The following KIAA1549L variants were observed in gnomAD, a reference collection of about 807,000 sequenced individuals.
KIAA1549L encodes the protein KIAA1549 like.
In KIAA1549L, 88 loss-of-function variants were observed where a neutral mutation model predicts 160.7. The observed-to-expected ratio is 0.55, with a 90% CI of 0.46 to 0.65. The LOEUF is 0.65. Among genes scored for constraint, KIAA1549L ranks in the 30% least tolerant of loss-of-function variants. KIAA1549L has a pLI of 0.00. For missense variants in KIAA1549L, 2,258 were observed against 2,437.5 expected, an observed-to-expected ratio of 0.93 and a Z score of 1.55; for synonymous variants, 950 against 976.7, an observed-to-expected ratio of 0.97 and a Z score of 0.51.
intron 20 of KIAA1549L, among the ~76,000 whole-genome samples, chr11:33,661,443 A>AG (rs1852257037): frequency 6.6e-6 from 1 of 152,242 alleles, no homozygotes; most frequent in Non-Finnish European, 1.5e-5. Flanking sequence ...CACTTATCTA[A>AG]GGCCACACAG....
intron 1 of KIAA1549L, among the ~76,000 whole-genome samples, chr11:33,387,722 G>A (rs1173651453): frequency 6.6e-6 from 1 of 152,146 alleles, no homozygotes; most frequent in Non-Finnish European, 1.5e-5. Flanking sequence ...GTCACCCCTG[G>A]CTGTTACCAA....
chr11:33,478,432 G>C (rs888999675), intron 1 of KIAA1549L, among the ~76,000 whole-genome samples: 1 of 152,236 alleles, frequency 6.6e-6, no homozygotes, highest in Non-Finnish European at 1.5e-5. Flanking sequence ...GAGCGAAAGA[G>C]GTTTTTTCAA....
rs778701044 is a variant in KIAA1549L at position 33,544,757 on chromosome 11, C to T, written c.2774-10C>T. The T allele has an allele frequency of 4.9e-5, 77 of 1,563,956 alleles. No individual in the cohort carries two copies. The highest frequency in any genetic ancestry group is 6.5e-5 in the Non-Finnish European group (75 of 1,154,680). Reference sequence around the variant, plus strand: ...GCCAATGACAAACTTTGTTTTTTCTCTCTTTACAGCGGACACAGTATCATC... The same window carrying T: ...GCCAATGACAAACTTTGTTTTTTCTTTCTTTACAGCGGACACAGTATCATC... On this transcript the variant is annotated splice_polypyrimidine_tract_variant and intron_variant, in intron 2 of 20. Coordinates refer to ENST00000658780, the MANE Select transcript of KIAA1549L (RefSeq NM_012194.3).
chr11:33,554,477 T>C (rs1346356376), intron 6 of KIAA1549L, among the ~76,000 whole-genome samples: 3 of 152,170 alleles, frequency 2.0e-5, no homozygotes, highest in South Asian at 2.1e-4. Flanking sequence ...ATCCAGGTGA[T>C]TATTTGATTT....
At chr11:33,397,506 C>T (rs926219495) in intron 1 of KIAA1549L, among the ~76,000 whole-genome samples, 2 of 150,522 alleles carry the variant, frequency 1.3e-5, no homozygotes, top group African/African-American at 4.9e-5. Context: ...GTCAGGAGTT[C>T]GACACCAGCC....
chr11:33,389,607 A>C (rs1321722203), intron 1 of KIAA1549L, among the ~76,000 whole-genome samples: 2 of 152,218 alleles, frequency 1.3e-5, no homozygotes, highest in Non-Finnish European at 2.9e-5. Context: ...ACCCTACGGA[A>C]ACTGAACCTT....
chr11:33,487,771 A>G (rs1315902375), intron 1 of KIAA1549L, among the ~76,000 whole-genome samples: 1 of 152,164 alleles, frequency 6.6e-6, no homozygotes, highest in African/African-American at 2.4e-5. Context: ...GAGACCCCCT[A>G]TAAATGGGTA....
At chr11:33,555,842 A>C (rs1854628621) in intron 6 of KIAA1549L, among the ~76,000 whole-genome samples, 1 of 152,246 alleles carries the variant, frequency 6.6e-6, no homozygotes, top group African/African-American at 2.4e-5. Context: ...TGTGCATCAA[A>C]AAACACTACC....
intron 4 of KIAA1549L, among the ~76,000 whole-genome samples, chr11:33,549,520 T>TCCA (rs1854383134): frequency 6.6e-6 from 1 of 152,230 alleles, no homozygotes; most frequent in South Asian, 2.1e-4. Context: ...TTGTGCTGTG[T>TCCA]CCACGTTCCA....
At chr11:33,529,202 G>T in intron 1 of KIAA1549L, among the ~76,000 whole-genome samples, 1 of 152,004 alleles carries the variant, frequency 6.6e-6, no homozygotes, top group East Asian at 1.9e-4. Context: ...CGAGTGTGGC[G>T]GTATGTCCCT....
At chr11:33,440,803 T>C (rs908785512) in intron 1 of KIAA1549L, among the ~76,000 whole-genome samples, 2 of 152,230 alleles carry the variant, frequency 1.3e-5, no homozygotes, top group African/African-American at 2.4e-5. Flanking sequence ...ATGCTAGTTA[T>C]AAGCTCCATC....
At chr11:33,583,549 G>A (rs1214338194) in intron 11 of KIAA1549L, 48 bp downstream of exon 11, 1 of 1,501,156 alleles carries the variant, frequency 6.7e-7, no homozygotes, top group Admixed American at 2.1e-5. Context: ...GCCTGCAGGA[G>A]CTCAGCCTGC....
intron 7 of KIAA1549L, 93 bp downstream of exon 7, chr11:33,560,004 ACCT>A: frequency 1.1e-6 from 1 of 888,996 alleles, no homozygotes; most frequent in Non-Finnish European, 1.7e-6. Flanking sequence ...ACATACTACC[ACCT>A]TTATCATAAA....
chr11:33,539,701 T>G (rs1292216893), intron 1 of KIAA1549L, among the ~76,000 whole-genome samples: 7 of 152,338 alleles, frequency 4.6e-5, no homozygotes, highest in African/African-American at 1.7e-4. Flanking sequence ...CCGGAGAGTC[T>G]TCCTCCAGCA....
chr11:33,378,714 C>T (rs1255281490), intron 1 of KIAA1549L, among the ~76,000 whole-genome samples: 2 of 152,144 alleles, frequency 1.3e-5, no homozygotes, highest in Non-Finnish European at 2.9e-5. Flanking sequence ...AGCCCACCTG[C>T]GGATTCACAG....
intron 1 of KIAA1549L, among the ~76,000 whole-genome samples, chr11:33,517,428 A>G (rs996780155): frequency 2.0e-5 from 3 of 152,194 alleles, no homozygotes; most frequent in African/African-American, 7.2e-5. Flanking sequence ...CTAGGGTAAT[A>G]TCCATATCCT....
intron 1 of KIAA1549L, among the ~76,000 whole-genome samples, chr11:33,386,985 T>A (rs1850186377): frequency 6.6e-6 from 1 of 151,930 alleles, no homozygotes; most frequent in Admixed American, 6.6e-5. Flanking sequence ...TGCACACCTA[T>A]AGTCCCAGCT....
intron 1 of KIAA1549L, among the ~76,000 whole-genome samples, chr11:33,442,085 A>G (rs1179746110): frequency 9.9e-5 from 15 of 151,628 alleles, no homozygotes; most frequent in African/African-American, 3.6e-4. Context: ...TCCATCTTGA[A>G]TTAATTTTTG....
intron 1 of KIAA1549L, among the ~76,000 whole-genome samples, chr11:33,455,832 A>T (rs1851810933): frequency 1.3e-5 from 2 of 152,254 alleles, no homozygotes; most frequent in Admixed American, 1.3e-4. Context: ...TGCTAGATAT[A>T]TGTTGGAAAT....
Sources: allele counts gnomAD v4.1 joint callset (sites outside exome capture counted in the v4.1 genomes callset), GRCh38; gene constraint gnomAD v4.1.1; transcripts MANE v1.5; gene names NCBI Gene and HGNC (gene_info 2026-07-23, HGNC 2026-07-21).